Variants in GPHN observed in about 807,000 individuals in gnomAD.
GPHN encodes gephyrin.
In GPHN, 17 loss-of-function variants were observed where a neutral mutation model predicts 95.5. The observed-to-expected ratio is 0.18, with a 90% CI of 0.12 to 0.27. The LOEUF is 0.27. GPHN is among the 10% of genes least tolerant of loss of function. GPHN has a pLI of 1.00. For synonymous variants in GPHN, 320 were observed against 322.5 expected (o/e 0.99, Z 0.08); for missense variants, 660 against 978.1 (o/e 0.67, Z 4.34).
the GPHN span, among the ~76,000 whole-genome samples, chr14:67,670,682 C>A: frequency 6.6e-6 from 1 of 152,112 alleles, no homozygotes; most frequent in Non-Finnish European, 1.5e-5. Flanking sequence ...GCACATGCCA[C>A]CACACCCAGC....
the GPHN span, among the ~76,000 whole-genome samples, chr14:67,732,769 C>G: frequency 5.3e-5 from 8 of 152,056 alleles, no homozygotes; most frequent in Non-Finnish European, 1.2e-4. Context: ...TTAGTAGAGG[C>G]AGGGTTTCGC....
the GPHN span, chr14:67,579,799 T>C: frequency 2.5e-6 from 4 of 1,611,030 alleles, no homozygotes; most frequent in Non-Finnish European, 3.4e-6. Flanking sequence ...GAGAAAGCCA[T>C]CCCACTCTGG....
At chr14:67,289,774 T>C in the GPHN span, among the ~76,000 whole-genome samples, 1 of 121,096 alleles carries the variant, frequency 8.3e-6, no homozygotes, top group South Asian at 2.9e-4. Context: ...ATGTCCTTTT[T>C]TTTTTTTTTT....
At chr14:67,225,405 G>A in the GPHN span, 2 of 534,984 alleles carry the variant, frequency 3.7e-6, no homozygotes, top group Admixed American at 4.2e-5. Context: ...TGAAATGTTA[G>A]GGGTTTGTTG....
chr14:67,079,379 A>C (rs1353381624), intron 11 of GPHN, among the ~76,000 whole-genome samples: 1 of 152,084 alleles, frequency 6.6e-6, no homozygotes, highest in Non-Finnish European at 1.5e-5. Flanking sequence ...TCATTAATTC[A>C]AAAAGAATGC....
At chr14:66,841,277 C>G (rs2062077956) in intron 4 of GPHN, among the ~76,000 whole-genome samples, 1 of 151,936 alleles carries the variant, frequency 6.6e-6, no homozygotes, top group Non-Finnish European at 1.5e-5. Context: ...TAGGGTCATC[C>G]ATTAAGGAAG....
the GPHN span, among the ~76,000 whole-genome samples, chr14:67,602,548 A>G: frequency 6.6e-6 from 1 of 152,236 alleles, no homozygotes; most frequent in African/African-American, 2.4e-5. Context: ...TCCATCACTC[A>G]GAGATAAGTA....
At chr14:66,947,806 T>A (rs1426111563) in intron 8 of GPHN, among the ~76,000 whole-genome samples, 2 of 151,836 alleles carry the variant, frequency 1.3e-5, no homozygotes, top group African/African-American at 4.8e-5. Context: ...AAAAGTAAAT[T>A]TAGCTGGATG....
the GPHN span, among the ~76,000 whole-genome samples, chr14:67,659,072 C>T: frequency 3.3e-5 from 5 of 152,304 alleles, no homozygotes; most frequent in Admixed American, 2.0e-4. Context: ...ATTCCTTTAA[C>T]GATCTAGCTG....
At chr14:67,193,951 A>AAACAAAAAAACAAC in the GPHN span, among the ~76,000 whole-genome samples, 1 of 139,714 alleles carries the variant, frequency 7.2e-6, no homozygotes, top group African/African-American at 2.9e-5. Context: ...TCTCAAAAAA[A>AAACAAAAAAACAAC]AACAAAAAAA....
At chr14:67,116,702 C>T (rs1451303507) in intron 16 of GPHN, among the ~76,000 whole-genome samples, 1 of 152,100 alleles carries the variant, frequency 6.6e-6, no homozygotes. Flanking sequence ...GGTTTTAAGC[C>T]AATCAAATCT....
At chr14:67,253,027 C>T in the GPHN span, among the ~76,000 whole-genome samples, 2 of 152,318 alleles carry the variant, frequency 1.3e-5, no homozygotes, top group Admixed American at 1.3e-4. Context: ...TAGGCACATA[C>T]TGACAGGCTT....
chr14:67,355,881 T>C, the GPHN span, among the ~76,000 whole-genome samples: 4 of 151,028 alleles, frequency 2.6e-5, no homozygotes, highest in Non-Finnish European at 4.4e-5. Flanking sequence ...ACACCGGTAA[T>C]CCCATATACA....
At chr14:67,324,180 C>T in the GPHN span, among the ~76,000 whole-genome samples, 4,421 of 152,228 alleles carry the variant, frequency 0.029, 86 homozygotes, top group Non-Finnish European at 0.036. Flanking sequence ...TCTTTTTATC[C>T]CACTGAAACT....
the GPHN span, chr14:67,656,698 T>A: frequency 1.6e-6 from 2 of 1,221,978 alleles, no homozygotes. Flanking sequence ...GAGCAATAAT[T>A]TTCATTCCTT....
At chr14:67,091,358 G>A (rs2077139646) in intron 12 of GPHN, among the ~76,000 whole-genome samples, 1 of 151,498 alleles carries the variant, frequency 6.6e-6, no homozygotes, top group African/African-American at 2.4e-5. Context: ...TTATTCTTGT[G>A]ATAGCTTCAC....
the GPHN span, among the ~76,000 whole-genome samples, chr14:67,225,482 C>CT: frequency 6.6e-6 from 1 of 152,210 alleles, no homozygotes; most frequent in Non-Finnish European, 1.5e-5. Flanking sequence ...GGAGAGAGGG[C>CT]TTCAGGTGAG....
At chr14:66,962,610 ATTTAC>A in intron 8 of GPHN, among the ~76,000 whole-genome samples, 1 of 151,762 alleles carries the variant, frequency 6.6e-6, no homozygotes, top group East Asian at 1.9e-4. Flanking sequence ...TTTACCCACA[ATTTAC>A]TTTGCTTTAT....
At chr14:67,144,933 A>G (rs1382597825) in intron 18 of GPHN, among the ~76,000 whole-genome samples, 2 of 152,192 alleles carry the variant, frequency 1.3e-5, no homozygotes, top group African/African-American at 4.8e-5. Context: ...CTTAAAGCAG[A>G]CAAATTGCTG....
Sources: gnomAD v4.1 joint callset for allele counts (sites outside exome capture counted in the v4.1 genomes callset) on GRCh38, gnomAD v4.1.1 for gene constraint, MANE v1.5 for transcripts, NCBI Gene and HGNC (gene_info 2026-07-23, HGNC 2026-07-21) for gene names.